The following IMMP1L variants were observed in gnomAD, a reference collection of about 807,000 sequenced individuals.
IMMP1L encodes the protein inner mitochondrial membrane peptidase subunit 1, also known as mitochondrial inner membrane protease subunit 1.
Under a neutral mutation model 21.8 loss-of-function variants are expected in IMMP1L, and 24 were observed. The ratio of observed to expected loss-of-function variants is 1.10; its 90% CI spans 0.80 to 1.55. The LOEUF is 1.55. Ranked by LOEUF, IMMP1L falls within the 40% of genes most tolerant of loss-of-function variation. IMMP1L has a pLI of 0.00. For missense variants in IMMP1L, 195 were observed against 200.7 expected (o/e 0.97, Z 0.17); for synonymous variants, 46 against 62.8 (o/e 0.73, Z 1.26).
chr11:31,432,426 G>A lies in IMMP1L; in HGVS notation c.*74C>T. The A allele has an allele frequency of 9.9e-7, 1 of 1,012,188 alleles. No individual in the cohort carries two copies. Among genetic ancestry groups the A allele is most frequent in the South Asian group, 1.3e-5 (1 of 76,694 alleles). 62.7% of individuals were successfully genotyped at this position (1,012,188 alleles called of 1,614,324 possible). On this transcript the variant is annotated 3_prime_UTR_variant, in exon 6 of 6. Transcript: ENST00000532287. ...TGAATAGCAAATAGTTTATTGGTAA[G>A]TACACGGTTTCAACGGGAGTAATAA... is the stretch of plus-strand genomic sequence containing the variant.
rs78159446 is a variant in IMMP1L at position 31,463,270 on chromosome 11, G to A, written c.7C>T (p.Arg3Cys). Residue 3 changes from arginine (R) to cysteine (C), a missense_variant, in exon 2 of 6, where the codon CGT becomes TGT. Arg to Cys is a radical substitution (Grantham distance 180, BLOSUM62 -3). Coordinates refer to ENST00000532287, the MANE Select transcript of IMMP1L (RefSeq NM_001304274.2). The stretch of plus-strand genomic sequence containing the variant: ...CGAAAGGTTTTCCCCAGAACACCAC[G>A]AAGCATAGTTCTATGTAGACTCTGC... MLRGVLGKTFRLV... is the reference protein window; with the variant it reads MLCGVLGKTFRLV... 18,768 of 1,611,984 alleles carry A rather than the reference G, an allele frequency of 0.012. 138 individuals carry two copies. The highest frequency in any genetic ancestry group is 0.014 in the Non-Finnish European group (16,548 of 1,179,114).
intron 4 of IMMP1L, among the ~76,000 whole-genome samples, chr11:31,454,785 A>T (rs974355432): frequency 6.6e-6 from 1 of 152,206 alleles, no homozygotes; most frequent in African/African-American, 2.4e-5. Context: ...TAACTCTTAA[A>T]AAGAAATCAA....
At chr11:31,450,374 T>A (rs1448859558) in intron 4 of IMMP1L, among the ~76,000 whole-genome samples, 4 of 150,846 alleles carry the variant, frequency 2.7e-5, no homozygotes, top group Non-Finnish European at 5.9e-5. Context: ...AAGCCCAGCA[T>A]ACCTCAATTC....
rs925656992 is a variant in IMMP1L at position 31,433,201 on chromosome 11, C to A, written c.432+259G>T. ...GTTTTAAGAGTTGTACAAGAGAGAA[C>A]TGAACTTTTGGAAATTCAAATTAAA... On this transcript the variant is annotated intron_variant, in intron 5 of 5. Coordinates refer to ENST00000532287, the MANE Select transcript of IMMP1L (RefSeq NM_001304274.2). 2.7e-4 allele frequency among the ~76,000 whole-genome samples: 41 copies of A among 152,122 alleles called. 1 individual carries two copies. Among genetic ancestry groups the A allele is most frequent in the African/African-American group, 9.2e-4 (38 of 41,442 alleles).
Position 31,493,738 on chromosome 11 carries a change from C to T in IMMP1L, c.-30+15781G>A, listed in dbSNP as rs944373624. Among the ~76,000 whole-genome samples, 8 of 152,150 alleles carry T rather than the reference C, an allele frequency of 5.3e-5. No individual in the cohort carries two copies. In the South Asian group the frequency reaches 1.0e-3, roughly 20 times the overall value. On this transcript the variant is annotated intron_variant, in intron 1 of 5. Coordinates refer to ENST00000532287, the MANE Select transcript of IMMP1L (RefSeq NM_001304274.2). ...TTCCTAGATACAACAAGGGTACAAG[C>T]GTTGGGTAACTACACCCATTCCAAA...
At chr11:31,482,110 A>G (rs766161451) in intron 1 of IMMP1L, among the ~76,000 whole-genome samples, 51 of 152,058 alleles carry the variant, frequency 3.4e-4, no homozygotes, top group Non-Finnish European at 5.4e-4. Flanking sequence ...TTCTTAAGGG[A>G]GTATTTTATA....
intron 1 of IMMP1L, among the ~76,000 whole-genome samples, chr11:31,464,894 C>T (rs1471993549): frequency 6.6e-6 from 1 of 152,088 alleles, no homozygotes; most frequent in Non-Finnish European, 1.5e-5. Flanking sequence ...GACACGGATG[C>T]CCACCTTCAC....
chr11:31,448,927 T>G, intron 4 of IMMP1L: 1 of 985,170 alleles, frequency 1.0e-6, no homozygotes, highest in Non-Finnish European at 1.2e-6. Context: ...AGCTATAGAA[T>G]GAAAAAGTCA....
At chr11:31,448,543 C>G (rs2133594662) in intron 4 of IMMP1L, among the ~76,000 whole-genome samples, 1 of 152,254 alleles carries the variant, frequency 6.6e-6, no homozygotes, top group South Asian at 2.1e-4. Flanking sequence ...TTTCATTTTA[C>G]TCAACTGTAT....
intron 1 of IMMP1L, among the ~76,000 whole-genome samples, chr11:31,464,568 G>A (rs961934554): frequency 6.6e-6 from 1 of 151,942 alleles, no homozygotes; most frequent in South Asian, 2.1e-4. Context: ...ACCCAACAAC[G>A]CATTAAAGAG....
intron 1 of IMMP1L, among the ~76,000 whole-genome samples, chr11:31,487,172 T>G (rs1284312948): frequency 6.6e-6 from 1 of 152,000 alleles, no homozygotes; most frequent in African/African-American, 2.4e-5. Flanking sequence ...AACAATTTCC[T>G]TGATCTACAT....
chr11:31,460,724 G>C lies in IMMP1L; in HGVS notation c.106-10C>G, dbSNP rs367907378. On this transcript the variant is annotated splice_polypyrimidine_tract_variant and intron_variant, in intron 2 of 5. Coordinates refer to ENST00000532287, the MANE Select transcript of IMMP1L (RefSeq NM_001304274.2). Reference sequence around the variant, plus strand: ...TTGATGGTCCAGAACACTGAAAAGAGAGGTAATTTGTAATCTAAATTCAAA... The same window carrying C: ...TTGATGGTCCAGAACACTGAAAAGACAGGTAATTTGTAATCTAAATTCAAA... 67 of 1,505,362 alleles carry C rather than the reference G, an allele frequency of 4.5e-5. No individual in the cohort carries two copies. Among genetic ancestry groups the C allele is most frequent in the Non-Finnish European group, 5.1e-5 (56 of 1,088,356 alleles). The allele number at this position is 1,505,362 out of a possible 1,614,324, so 93.3% of individuals were successfully genotyped here.
intron 1 of IMMP1L, among the ~76,000 whole-genome samples, chr11:31,474,187 C>G (rs913996256): frequency 6.6e-6 from 1 of 150,922 alleles, no homozygotes; most frequent in South Asian, 2.1e-4. Context: ...TACACAAAAT[C>G]CATTTTCCCC....
chr11:31,494,591 C>G (rs565880059), intron 1 of IMMP1L, among the ~76,000 whole-genome samples: 117 of 152,288 alleles, frequency 7.7e-4, no homozygotes, highest in Non-Finnish European at 1.3e-3. Context: ...TTGAATTTCT[C>G]CCCAGAAAAT....
chr11:31,485,202 T>G (rs1358704839), intron 1 of IMMP1L, among the ~76,000 whole-genome samples: 1 of 151,894 alleles, frequency 6.6e-6, no homozygotes, highest in Non-Finnish European at 1.5e-5. Flanking sequence ...CAAAGGTGAT[T>G]TAACCTTTGT....
At chr11:31,454,070 G>T (rs1275920652) in intron 4 of IMMP1L, among the ~76,000 whole-genome samples, 2 of 152,042 alleles carry the variant, frequency 1.3e-5, no homozygotes, top group African/African-American at 4.8e-5. Flanking sequence ...AATTAAATAA[G>T]TTAACCTTTG....
chr11:31,466,059 C>A (rs1014405535), intron 1 of IMMP1L, among the ~76,000 whole-genome samples: 1 of 151,594 alleles, frequency 6.6e-6, no homozygotes, highest in Non-Finnish European at 1.5e-5. Flanking sequence ...AGGAACCCAA[C>A]AGCAAAAAAA....
chr11:31,508,805 G>A (rs1955878828), intron 1 of IMMP1L, among the ~76,000 whole-genome samples: 1 of 151,548 alleles, frequency 6.6e-6, no homozygotes, highest in African/African-American at 2.4e-5. Flanking sequence ...TCCCTGCTCA[G>A]TTTTGAAAAA....
intron 3 of IMMP1L, among the ~76,000 whole-genome samples, chr11:31,457,791 TAC>T (rs1380505095): frequency 6.6e-6 from 1 of 152,204 alleles, no homozygotes; most frequent in Non-Finnish European, 1.5e-5. Context: ...TCAGAAATTT[TAC>T]ACAGAGTGCA....
Sources: gnomAD v4.1 joint callset for allele counts (sites outside exome capture counted in the v4.1 genomes callset) on GRCh38, gnomAD v4.1.1 for gene constraint, MANE v1.5 for transcripts, NCBI Gene and HGNC (gene_info 2026-07-23, HGNC 2026-07-21) for gene names.